The following MED1 variants were observed in gnomAD, a reference collection of about 807,000 sequenced individuals.
The protein encoded by MED1 is mediator of RNA polymerase II transcription subunit 1.
Under a neutral mutation model 121.3 loss-of-function variants are expected in MED1, and 17 were observed. The observed-to-expected ratio is 0.14, with a 90% CI of 0.10 to 0.21. The LOEUF is 0.21. MED1 is among the 10% of genes least tolerant of loss of function. The pLI, the probability that MED1 is intolerant of heterozygous loss-of-function variation, is 1.00. For missense variants in MED1, 1,558 were observed against 1,919.4 expected (o/e 0.81, Z 3.52); for synonymous variants, 661 against 694.4 (o/e 0.95, Z 0.76).
intron 16 of MED1, 90 bp downstream of exon 16, chr17:39,414,936 G>C (rs1437277919): frequency 8.8e-7 from 1 of 1,137,284 alleles, no homozygotes; most frequent in Non-Finnish European, 1.3e-6. Flanking sequence ...CCAAAGTGTG[G>C]GGATTACAGG....
At chr17:39,447,310 G>C (rs1291367011) in intron 2 of MED1, among the ~76,000 whole-genome samples, 2 of 151,350 alleles carry the variant, frequency 1.3e-5, no homozygotes, top group African/African-American at 4.9e-5. Flanking sequence ...AGAATCACTT[G>C]AACCTGGGAG....
Position 39,410,698 on chromosome 17 carries a change from A to G in MED1, c.1523T>C (p.Met508Thr). 3.7e-6 allele frequency: 6 copies of G among 1,611,618 alleles called. No homozygotes were observed. The highest frequency in any genetic ancestry group is 5.1e-6 in the Non-Finnish European group (6 of 1,178,154). ...VQRCMSIPVTMRAIRRKAETI... is the reference protein window; with the variant it reads ...VQRCMSIPVTTRAIRRKAETI... The stretch of plus-strand genomic sequence containing the variant: ...TTCAGCTTTCCTCCGAATAGCCCTC[A>G]TCGTCACAGGGATGGACATACATCT... Residue 508 changes from methionine (M) to threonine (T), a missense_variant, in exon 17 of 17, where the codon ATG (methionine) becomes ACG (threonine). This residue lies in a region of MED1 where 50 missense variants were observed against 134.5 expected (regional missense o/e 0.37). Coordinates refer to ENST00000300651, the MANE Select transcript of MED1 (RefSeq NM_004774.4).
chr17:39,450,316 TGTACTTC>T (rs1291057126), intron 1 of MED1, among the ~76,000 whole-genome samples: 3 of 152,196 alleles, frequency 2.0e-5, no homozygotes, highest in Admixed American at 2.0e-4. Flanking sequence ...GATAAATATC[TGTACTTC>T]GATGCTCCAA....
intron 13 of MED1, among the ~76,000 whole-genome samples, chr17:39,421,071 C>G (rs1215818493): frequency 1.3e-5 from 2 of 151,250 alleles, no homozygotes; most frequent in Admixed American, 6.6e-5. Flanking sequence ...GCTAGGATTA[C>G]AGGCGTGAGC....
chr17:39,407,472 T>G lies in MED1; in HGVS notation c.*3A>C. 1 of 1,587,324 alleles carries G rather than the reference T, an allele frequency of 6.3e-7. No homozygotes were observed. On this transcript the variant is annotated 3_prime_UTR_variant, in exon 17 of 17. Transcript: ENST00000300651. ...GCCCTGTTTCTTTTAGGAAATAAGG[T>G]TCCTAATTCCCAATCAGGGCCACAT...
At chr17:39,419,121 AC>A (rs1013180362) in intron 14 of MED1, among the ~76,000 whole-genome samples, 6 of 151,134 alleles carry the variant, frequency 4.0e-5, no homozygotes, top group African/African-American at 1.5e-4. Context: ...TTACTGTGTT[AC>A]CCAGGTTGGA....
In MED1 at chr17:39,408,909, AGAG is replaced by A. The variant is rs1426536448; in HGVS notation, c.3309_3311del (p.Ser1107del). 6.2e-7 allele frequency: 1 copy of A among 1,614,168 alleles called. No homozygotes were observed. The highest frequency in any genetic ancestry group is 8.5e-7 in the Non-Finnish European group (1 of 1,180,034). On this transcript the variant is annotated inframe_deletion, in exon 17 of 17. Transcript: ENST00000300651. The surrounding 1 kb of genome is among the most constrained non-coding windows in gnomAD (Gnocchi z 4.7). Reference sequence around the variant, plus strand: ...TCCCTGAGGTGGAAGCAGATGAGGAAGAGGAGGAAGAATGGCTATGGTGGCTTT... The same window carrying A: ...TCCCTGAGGTGGAAGCAGATGAGGAAGAGGAAGAATGGCTATGGTGGCTTT...
intron 2 of MED1, 67 bp downstream of exon 2, chr17:39,447,731 G>T: frequency 1.7e-6 from 2 of 1,148,142 alleles, no homozygotes; most frequent in Non-Finnish European, 2.6e-6. Context: ...CATCTACATG[G>T]GGAGCTTAGC....
At position 39,407,930 on chromosome 17, in the gene MED1, A is replaced by G. The variant is rs1338238525; in HGVS notation, c.4291T>C (p.Tyr1431His). ...LRPQMASSKNYGSPLISGSTP... is the reference protein window; with the variant it reads ...LRPQMASSKNHGSPLISGSTP... ...GAACCACTGATGAGTGGAGAGCCAT[A>G]GTTTTTAGAAGAAGCCATTTGAGGC... Residue 1431 changes from tyrosine (Y) to histidine (H), a missense_variant, in exon 17 of 17, where the codon TAT becomes CAT. Tyr to His is a moderately conservative substitution (Grantham distance 83). This residue lies in a region of MED1 where 264 missense variants were observed against 326.1 expected (regional missense o/e 0.81). Coordinates refer to ENST00000300651, the MANE Select transcript of MED1 (RefSeq NM_004774.4). 8 of 1,614,116 alleles carry G rather than the reference A, an allele frequency of 5.0e-6. No individual in the cohort carries two copies. Among genetic ancestry groups the G allele is most frequent in the Non-Finnish European group, 6.8e-6 (8 of 1,180,036 alleles).
chr17:39,428,486 AAATAATAAT>A (rs537310440), intron 9 of MED1, among the ~76,000 whole-genome samples: 1 of 151,816 alleles, frequency 6.6e-6, no homozygotes, highest in Non-Finnish European at 1.5e-5. Context: ...TCCGTCTCAA[AAATAATAAT>A]AATAATAATT....
At chr17:39,412,533 CTTTT>C (rs1170139893) in intron 16 of MED1, among the ~76,000 whole-genome samples, 3 of 102,288 alleles carry the variant, frequency 2.9e-5, no homozygotes, top group Admixed American at 1.0e-4. Flanking sequence ...GCAAATTTTT[CTTTT>C]TTTTTTTTTT....
intron 13 of MED1, 128 bp downstream of exon 13, chr17:39,423,199 A>T: frequency 1.3e-6 from 1 of 742,756 alleles, no homozygotes. Context: ...CTGCCTTACT[A>T]AAGAAATAGG....
Position 39,440,722 on chromosome 17 carries a change from A to C in MED1, c.212-45T>G. The C allele has an allele frequency of 2.0e-6, 3 of 1,511,280 alleles. No individual in the cohort carries two copies. The highest frequency in any genetic ancestry group is 2.7e-6 in the Non-Finnish European group (3 of 1,098,172). The allele number at this position is 1,511,280 out of a possible 1,614,324, so 93.6% of individuals were successfully genotyped here. A position where few individuals can be genotyped will look rare whatever the true frequency, so the allele number is the denominator to read the frequency against. ...GGAGTCACAAAGAATGCTCCAAATG[A>C]CTTAAATGATATTCTTTTAAGACAG... is the stretch of plus-strand genomic sequence containing the variant. On this transcript the variant is annotated intron_variant, in intron 3 of 16. Transcript: ENST00000300651. The surrounding 1 kb of genome is among the most constrained non-coding windows in gnomAD (Gnocchi z 4.1).
At position 39,409,276 on chromosome 17, in the gene MED1, G is replaced by GTACTAT; in HGVS notation, c.2939_2944dup (p.Asn980_Ser981dup). On this transcript the variant is annotated inframe_insertion, in exon 17 of 17. Coordinates refer to ENST00000300651, the MANE Select transcript of MED1 (RefSeq NM_004774.4). ...GCTGTCTAATCCGGGCCCCGAGAGA[G>GTACTAT]TACTATTACTGGTGCCATTGCCTTC... 1 of 1,614,098 alleles carries GTACTAT rather than the reference G, an allele frequency of 6.2e-7. No homozygotes were observed. The highest frequency in any genetic ancestry group is 1.1e-5 in the South Asian group (1 of 91,074).
chr17:39,447,712 G>T, intron 2 of MED1, 86 bp downstream of exon 2: 2 of 937,448 alleles, frequency 2.1e-6, no homozygotes, highest in Non-Finnish European at 3.3e-6. Flanking sequence ...TATGAAGATA[G>T]TATGAACACA....
At chr17:39,413,217 G>A (rs1358684083) in intron 16 of MED1, among the ~76,000 whole-genome samples, 2 of 152,090 alleles carry the variant, frequency 1.3e-5, no homozygotes, top group East Asian at 3.9e-4. Context: ...TGGGATTATA[G>A]GCACCTGCCA....
chr17:39,438,928 AAT>A (rs1273940165), intron 6 of MED1, among the ~76,000 whole-genome samples: 1 of 152,184 alleles, frequency 6.6e-6, no homozygotes. Flanking sequence ...CAGCCTGGGC[AAT>A]AGAGCAAGAC....
intron 14 of MED1, among the ~76,000 whole-genome samples, chr17:39,417,734 G>A (rs550866712): frequency 3.3e-5 from 5 of 152,144 alleles, no homozygotes; most frequent in East Asian, 1.9e-4. Flanking sequence ...TCAACAGAGC[G>A]CTTCTGACTT....
Position 39,405,306 on chromosome 17 carries a change from G to A in MED1, c.*2169C>T. 13 of 1,603,628 alleles carry A rather than the reference G, an allele frequency of 8.1e-6. No homozygotes were observed. The highest frequency in any genetic ancestry group is 1.0e-5 in the Non-Finnish European group (12 of 1,175,642). On this transcript the variant is annotated 3_prime_UTR_variant, in exon 17 of 17. Transcript: ENST00000300651. ...TCCAGATCCTAACTCGGGATTCTTT[G>A]ATCTGGGATGAAGACAGAAAGAGAG...
Sources: gnomAD v4.1 joint callset for allele counts (sites outside exome capture counted in the v4.1 genomes callset) on GRCh38, gnomAD v4.1.1 for gene constraint, gnomAD v4.1.1 regional missense constraint, Gnocchi (gnomAD v3.1) non-coding constraint, MANE v1.5 for transcripts, NCBI Gene and HGNC (gene_info 2026-07-23, HGNC 2026-07-21) for gene names.